Variants in TMEM205 observed in about 807,000 individuals in gnomAD.
TMEM205 encodes the protein transmembrane protein 205, also known as MBC3205.
TMEM205 carries 11 observed loss-of-function variants against 17.9 expected under a neutral mutation model. That is an observed-to-expected ratio of 0.61 (90% confidence interval 0.39 to 1.02). The LOEUF is 1.02. Among genes scored for constraint, TMEM205 ranks in the 50% least tolerant of loss-of-function variants. The probability of loss-of-function intolerance (pLI) is 0.01; values close to 1 mark genes in which losing one functional copy is unlikely to be tolerated. For missense variants in TMEM205, 236 were observed against 239.4 expected, an observed-to-expected ratio of 0.99 and a Z score of 0.09; for synonymous variants, 86 against 97.4, an observed-to-expected ratio of 0.88 and a Z score of 0.69.
chr19:11,345,195 C>T (rs1239344831), intron 2 of TMEM205, 57 bp downstream of exon 2: 9 of 1,589,232 alleles, frequency 5.7e-6, no homozygotes, highest in Non-Finnish European at 7.7e-6. Flanking sequence ...GCCATAGGCG[C>T]TGACTGAGGT....
chr19:11,342,954 C>T lies in TMEM205; in HGVS notation c.431G>A (p.Arg144Gln), dbSNP rs776246257. The T allele has an allele frequency of 5.6e-6, 9 of 1,614,150 alleles. No individual in the cohort carries two copies. The highest frequency in any genetic ancestry group is 5.0e-5 in the Admixed American group (3 of 60,010). The change falls in exon 3 of 3, where the codon CGA (arginine) becomes CAA (glutamine). Residue 144 changes from arginine (R) to glutamine (Q), a missense_variant. Arg to Gln is a conservative substitution (Grantham distance 43). Coordinates refer to ENST00000354882, the MANE Select transcript of TMEM205 (RefSeq NM_198536.3). Reference protein sequence around the residue: ...HQGPDPYRQLREKDPKYSALR... With the variant: ...HQGPDPYRQLQEKDPKYSALR... Reference sequence around the variant, plus strand: ...AGCACTGTACTTGGGGTCCTTCTCTCGCAGCTGGCGGTAGGGATCGGGACC... The same window carrying T: ...AGCACTGTACTTGGGGTCCTTCTCTTGCAGCTGGCGGTAGGGATCGGGACC...
At chr19:11,344,467 C>T (rs1289248887) in intron 2 of TMEM205, among the ~76,000 whole-genome samples, 1 of 152,162 alleles carries the variant, frequency 6.6e-6, no homozygotes, top group Non-Finnish European at 1.5e-5. Context: ...GTCTATGAAA[C>T]ATAATGCAGG....
In TMEM205 at chr19:11,346,086, C is replaced by G. The variant is rs901938643; in HGVS notation, c.-467G>C. ...GAGGACACCGATCCCACCAAAGCCC[C>G]GAGGAAACGCCAAATCTCATCCCGA... On this transcript the variant is annotated 5_prime_UTR_variant, in exon 1 of 3. Coordinates refer to ENST00000354882, the MANE Select transcript of TMEM205 (RefSeq NM_198536.3). 1 of 226,742 alleles carries G rather than the reference C, an allele frequency of 4.4e-6. No homozygotes were observed. Among genetic ancestry groups the G allele is most frequent in the African/African-American group, 2.4e-5 (1 of 42,038 alleles). 14.0% of individuals were successfully genotyped at this position (226,742 alleles called of 1,614,324 possible). A position where few individuals can be genotyped will look rare whatever the true frequency, so the allele number is the denominator to read the frequency against.
At chr19:11,346,276 CAAT>C (rs1967228056), upstream of TMEM205, 2 of 417,346 alleles carry the variant, frequency 4.8e-6, no homozygotes, top group East Asian at 5.4e-5. Context: ...TTCCCCCAAC[CAAT>C]AATTCGTCCC....
At position 11,345,661 on chromosome 19, in the gene TMEM205, T is replaced by C. The variant is rs745961620; in HGVS notation, c.-42A>G. The C allele has an allele frequency of 3.7e-6, 6 of 1,611,700 alleles. No individual in the cohort carries two copies. In the Admixed American group the frequency reaches 8.4e-5, roughly 23 times the overall value. On this transcript the variant is annotated 5_prime_UTR_variant, in exon 1 of 3. An upstream open reading frame in the 5' UTR loses its in-frame stop. Coordinates refer to ENST00000354882, the MANE Select transcript of TMEM205 (RefSeq NM_198536.3). ...GGAGGCACCGGGTGGCTCAGAACTTTACCTTTGCCTCATGCGTGGCCTTCA... is the reference window on the plus strand; with the variant it reads ...GGAGGCACCGGGTGGCTCAGAACTTCACCTTTGCCTCATGCGTGGCCTTCA...
rs1967188862 is a variant in TMEM205, at chr19:11,345,788, G to A, written c.-169C>T. The A allele has an allele frequency of 3.8e-6, 5 of 1,329,412 alleles. No homozygotes were observed. In the South Asian group the frequency reaches 7.6e-5, roughly 20 times the overall value. 82.4% of individuals were successfully genotyped at this position (1,329,412 alleles called of 1,614,324 possible). A position where few individuals can be genotyped will look rare whatever the true frequency, so the allele number is the denominator to read the frequency against. ...GTGAGAAAGGCCCAAAGCAGTCAAGGCCCAAAGACAACCCTCGACCCCATC... is the reference window on the plus strand; with the variant it reads ...GTGAGAAAGGCCCAAAGCAGTCAAGACCCAAAGACAACCCTCGACCCCATC... On this transcript the variant is annotated 5_prime_UTR_variant, in exon 1 of 3. Coordinates refer to ENST00000354882, the MANE Select transcript of TMEM205 (RefSeq NM_198536.3).
rs911589704 is a variant in TMEM205, at chr19:11,345,329, C to T, written c.187G>A (p.Gly63Ser). The T allele has an allele frequency of 1.9e-6, 3 of 1,614,010 alleles. No individual in the cohort carries two copies. Among genetic ancestry groups the T allele is most frequent in the African/African-American group, 2.7e-5 (2 of 74,902 alleles). Residue 63 changes from glycine (G) to serine (S), a missense_variant, in exon 2 of 3, where the codon GGC becomes AGC. Gly to Ser is a moderately conservative substitution (Grantham distance 56, BLOSUM62 0). Transcript: ENST00000354882. ...ATGCAGAGGTTGATGAAGGCACAGC[C>T]CATGGAGATGTGGAAGTAGAAGGGG... Reference protein sequence around the residue: ...LFPFYFHISMGCAFINLCILA... With the variant: ...LFPFYFHISMSCAFINLCILA...
rs1966985030 is a variant in TMEM205, at chr19:11,342,791, A to G, written c.*24T>C. On this transcript the variant is annotated 3_prime_UTR_variant, in exon 3 of 3. Coordinates refer to ENST00000354882, the MANE Select transcript of TMEM205 (RefSeq NM_198536.3). ...AGACAGCAGCCATTTCTGAAGAAGCATTTATTAGCATGCAGGGCCCATGCT... is the reference window on the plus strand; with the variant it reads ...AGACAGCAGCCATTTCTGAAGAAGCGTTTATTAGCATGCAGGGCCCATGCT... 1 of 1,583,386 alleles carries G rather than the reference A, an allele frequency of 6.3e-7. No homozygotes were observed.
rs1967216682 is a variant in TMEM205 at position 11,346,150 on chromosome 19, C to T, written c.-531G>A. 8.2e-6 allele frequency: 2 copies of T among 242,650 alleles called. No homozygotes were observed. The highest frequency in any genetic ancestry group is 8.2e-6 in the Non-Finnish European group (1 of 122,688). The allele number at this position is 242,650 out of a possible 1,614,324, so 15.0% of individuals were successfully genotyped here. A position where few individuals can be genotyped will look rare whatever the true frequency, so the allele number is the denominator to read the frequency against. ...ACCGTTAGGAACCGGGACCTCAATC[C>T]GCAGCACCCGGATTCCGAGAACAGA... On this transcript the variant is annotated 5_prime_UTR_variant, in exon 1 of 3. Coordinates refer to ENST00000354882, the MANE Select transcript of TMEM205 (RefSeq NM_198536.3).
chr19:11,344,931 C>G (rs1389983758), intron 2 of TMEM205, among the ~76,000 whole-genome samples: 1 of 150,770 alleles, frequency 6.6e-6, no homozygotes, highest in Non-Finnish European at 1.5e-5. Context: ...TCTCGGCTCA[C>G]TGCAACCTCT....
chr19:11,342,844 C>G lies in TMEM205; in HGVS notation c.541G>C (p.Gly181Arg), dbSNP rs770739744. 3 of 1,614,182 alleles carry G rather than the reference C, an allele frequency of 1.9e-6. No individual in the cohort carries two copies. In the African/African-American group the frequency reaches 4.0e-5, roughly 22 times the overall value. ...CVLSNGLCLA[G>R]LALEIRSL Reference sequence around the variant, plus strand: ...AGGCTCCTTATTTCCAGGGCAAGGCCAGCGAGACAGAGCCCATTGCTCAGG... The same window carrying G: ...AGGCTCCTTATTTCCAGGGCAAGGCGAGCGAGACAGAGCCCATTGCTCAGG... The change falls in exon 3 of 3, where the codon GGC becomes CGC. Residue 181 changes from glycine to arginine, a missense_variant. By Grantham distance (125) the Gly-to-Arg change is moderately radical. Coordinates refer to ENST00000354882, the MANE Select transcript of TMEM205 (RefSeq NM_198536.3).
Position 11,342,866 on chromosome 19 carries a change from CAG to C in TMEM205, c.517_518del (p.Leu173GlufsTer?). On this transcript the variant is annotated frameshift_variant, in exon 3 of 3. Coordinates refer to ENST00000354882, the MANE Select transcript of TMEM205 (RefSeq NM_198536.3). LOFTEE classifies it high-confidence loss of function. ...GGCCAGCGAGACAGAGCCCATTGCTCAGGACGCAGCCCAGATTGCAAAGAGAG... is the reference window on the plus strand; with the variant it reads ...GGCCAGCGAGACAGAGCCCATTGCTCGACGCAGCCCAGATTGCAAAGAGAG... ...LSSLCNLGCV[L>X]SNGLCLAGLA... is the part of the protein sequence containing the mutation. The C allele has an allele frequency of 1.2e-6, 2 of 1,614,234 alleles. No homozygotes were observed. The highest frequency in any genetic ancestry group is 2.2e-5 in the South Asian group (2 of 91,088).
chr19:11,343,663 TA>T (rs1313100361), intron 2 of TMEM205, among the ~76,000 whole-genome samples: 6 of 152,142 alleles, frequency 3.9e-5, no homozygotes, highest in Non-Finnish European at 8.8e-5. Flanking sequence ...TGTCCCCCTG[TA>T]ATCCCAGCTA....
rs1209840055 is a variant in TMEM205 at position 11,345,378 on chromosome 19, G to A, written c.138C>T (p.Phe46=). 7 of 1,614,052 alleles carry A rather than the reference G, an allele frequency of 4.3e-6. No individual in the cohort carries two copies. Among genetic ancestry groups the A allele is most frequent in the Non-Finnish European group, 5.9e-6 (7 of 1,180,034 alleles). ...LLFRSLPRHT[F]GLVQSKLFPF... ...GGAAGAGTTTGCTCTGCACTAGTCC[G>A]AAGGTATGTCGGGGAAGGCTTCGGA... The change falls in exon 2 of 3, where the codon TTC becomes TTT. Residue 46 remains phenylalanine, a synonymous_variant. Transcript: ENST00000354882.
chr19:11,346,468 C>T, upstream of TMEM205: 1 of 1,033,258 alleles, frequency 9.7e-7, no homozygotes, highest in Middle Eastern at 2.0e-4. Flanking sequence ...ATGAGGCCTT[C>T]GGCTACTCCG....
Position 11,345,331 on chromosome 19 carries a change from A to G in TMEM205, c.185T>C (p.Met62Thr). ...KLFPFYFHIS[M>T]GCAFINLCIL... ...GCAGAGGTTGATGAAGGCACAGCCC[A>G]TGGAGATGTGGAAGTAGAAGGGGAA... The change falls in exon 2 of 3, where the codon ATG becomes ACG. Residue 62 changes from methionine (M) to threonine (T), a missense_variant. Physicochemically the swap from Met to Thr is moderately conservative, Grantham distance 81. Transcript: ENST00000354882. The G allele has an allele frequency of 6.2e-7, 1 of 1,614,214 alleles. No homozygotes were observed. Among genetic ancestry groups the G allele is most frequent in the Non-Finnish European group, 8.5e-7 (1 of 1,180,036 alleles).
At chr19:11,345,084 C>A in intron 2 of TMEM205, 168 bp downstream of exon 2, 1 of 639,244 alleles carries the variant, frequency 1.6e-6, no homozygotes, top group East Asian at 3.1e-5. Flanking sequence ...TCTTGAACTC[C>A]TGACCTCGTG....
At chr19:11,346,423 C>T (rs1360244042), upstream of TMEM205, 7 of 687,588 alleles carry the variant, frequency 1.0e-5, no homozygotes, top group Non-Finnish European at 1.8e-5. Flanking sequence ...AATTACGCCG[C>T]GGCTACTAAG....
rs927179267 is a variant in TMEM205 at position 11,344,363 on chromosome 19, GA to G, written c.264+888del. ...TTTCATTAAAATAAATAAATAAAAG[GA>G]AAAAAAAACAGTCTGTGAAGTTCTA... On this transcript the variant is annotated intron_variant, in intron 2 of 2. Coordinates refer to ENST00000354882, the MANE Select transcript of TMEM205 (RefSeq NM_198536.3). Among the ~76,000 whole-genome samples the G allele has an allele frequency of 3.0e-4, 44 of 149,136 alleles. No homozygotes were observed. In the East Asian group the frequency reaches 6.3e-3, roughly 21 times the overall value.
Sources: allele counts gnomAD v4.1 joint callset (sites outside exome capture counted in the v4.1 genomes callset), GRCh38; gene constraint gnomAD v4.1.1; transcripts MANE v1.5; gene names NCBI Gene and HGNC (gene_info 2026-07-23, HGNC 2026-07-21).